EIF4E3: variants seen among roughly 807,000 people sequenced by gnomAD.
EIF4E3 encodes eukaryotic translation initiation factor 4E type 3.
In EIF4E3, 26 loss-of-function variants were observed where a neutral mutation model predicts 31.7. The ratio of observed to expected loss-of-function variants is 0.82; its 90% CI spans 0.60 to 1.14. The LOEUF is 1.14. Among genes scored for constraint, EIF4E3 ranks in the 50% most tolerant of loss-of-function variants. EIF4E3 has a pLI of 0.00. For missense variants in EIF4E3, 304 were observed against 270.9 expected, an observed-to-expected ratio of 1.12 and a Z score of -0.86; for synonymous variants, 128 against 107.7, an observed-to-expected ratio of 1.19 and a Z score of -1.17.
At chr3:71,689,221 C>T (rs1458418026) in intron 6 of EIF4E3, among the ~76,000 whole-genome samples, 7 of 151,950 alleles carry the variant, frequency 4.6e-5, no homozygotes, top group African/African-American at 1.4e-4. Context: ...CAATGAAATA[C>T]GGTAGTTAAA....
chr3:71,714,305 C>CGAACGAAG (rs1300162116), intron 1 of EIF4E3, among the ~76,000 whole-genome samples: 8,606 of 90,060 alleles, frequency 0.096, 353 homozygotes, highest in Non-Finnish European at 0.11. Flanking sequence ...AAGGAAGGAA[C>CGAACGAAG]GAAAGAAAGG....
intron 1 of EIF4E3, among the ~76,000 whole-genome samples, chr3:71,719,348 C>T (rs62246332): frequency 0.17 from 26,051 of 152,006 alleles, 2,382 homozygotes; most frequent in East Asian, 0.38. Context: ...ACAAATCTAC[C>T]TTTCACCACA....
At chr3:71,741,279 G>A (rs1035121856) in intron 1 of EIF4E3, among the ~76,000 whole-genome samples, 2 of 152,068 alleles carry the variant, frequency 1.3e-5, no homozygotes, top group African/African-American at 4.8e-5. Flanking sequence ...TTAGCTTGAT[G>A]TTATGAGCAT....
At chr3:71,740,608 C>A in intron 1 of EIF4E3, among the ~76,000 whole-genome samples, 1 of 152,114 alleles carries the variant, frequency 6.6e-6, no homozygotes, top group Non-Finnish European at 1.5e-5. Context: ...GTGGTGTGCA[C>A]CTGTAGTCCC....
At chr3:71,706,195 A>G (rs915191221) in intron 2 of EIF4E3, among the ~76,000 whole-genome samples, 1 of 152,130 alleles carries the variant, frequency 6.6e-6, no homozygotes, top group Admixed American at 6.5e-5. Flanking sequence ...CCACTCCTCA[A>G]TCACGGGGAG....
At chr3:71,672,527 C>G (rs1181765723), downstream of EIF4E3, among the ~76,000 whole-genome samples, 1 of 152,196 alleles carries the variant, frequency 6.6e-6, no homozygotes, top group Non-Finnish European at 1.5e-5. Flanking sequence ...TTTTGTTACC[C>G]TAATCAGAGC....
intron 1 of EIF4E3, among the ~76,000 whole-genome samples, chr3:71,744,773 C>A (rs1308087431): frequency 6.6e-6 from 1 of 152,182 alleles, no homozygotes. Context: ...ACGTCCAAAG[C>A]AGCTTTCTCA....
chr3:71,693,926 C>G lies in EIF4E3; in HGVS notation c.421G>C (p.Glu141Gln). 1 of 1,583,616 alleles carries G rather than the reference C, an allele frequency of 6.3e-7. No homozygotes were observed. The highest frequency in any genetic ancestry group is 1.1e-5 in the South Asian group (1 of 86,988). ...PKDSTSTVWK[E>Q]LLLATIGEQF... Reference sequence around the variant, plus strand: ...TCCCCGATGGTTGCTAACAGCAACTCTTTCCAAACTGTGGACTGATATGGG... The same window carrying G: ...TCCCCGATGGTTGCTAACAGCAACTGTTTCCAAACTGTGGACTGATATGGG... The change falls in exon 5 of 7, where the codon GAG becomes CAG. Residue 141 changes from glutamate to glutamine, a missense_variant. Coordinates refer to ENST00000425534, the MANE Select transcript of EIF4E3 (RefSeq NM_001134651.2).
At chr3:71,718,629 G>C (rs1480494799) in intron 1 of EIF4E3, among the ~76,000 whole-genome samples, 2 of 152,218 alleles carry the variant, frequency 1.3e-5, no homozygotes, top group African/African-American at 2.4e-5. Context: ...TGTGCCCCGG[G>C]TTTGGAAGTA....
chr3:71,730,745 T>C (rs972743493), intron 1 of EIF4E3, among the ~76,000 whole-genome samples: 3 of 152,160 alleles, frequency 2.0e-5, no homozygotes, highest in East Asian at 1.9e-4. Context: ...TTGTTGTTTT[T>C]TTTGAGACAG....
chr3:71,660,639 G>A, the EIF4E3 span, among the ~76,000 whole-genome samples: 6 of 152,172 alleles, frequency 3.9e-5, no homozygotes, highest in East Asian at 1.2e-3. Context: ...TACAAACACA[G>A]GTTCTATCAG....
chr3:71,660,489 C>T, the EIF4E3 span, among the ~76,000 whole-genome samples: 1 of 152,146 alleles, frequency 6.6e-6, no homozygotes, highest in South Asian at 2.1e-4. Context: ...CCCACCAAAC[C>T]CGGGCCCTCT....
intron 1 of EIF4E3, 28 bp from the exon 2 acceptor site, chr3:71,710,512 A>G (rs1231228640): frequency 1.3e-6 from 2 of 1,550,678 alleles, no homozygotes; most frequent in Admixed American, 2.0e-5. Flanking sequence ...GGACAAAGAC[A>G]CAAACAAAAC....
downstream of EIF4E3, among the ~76,000 whole-genome samples, chr3:71,673,013 G>C (rs947793731): frequency 6.6e-6 from 1 of 152,192 alleles, no homozygotes; most frequent in Admixed American, 6.5e-5. Flanking sequence ...GCTGAACCCG[G>C]TGTCAGCACG....
chr3:71,737,979 T>G (rs1559612921), intron 1 of EIF4E3, among the ~76,000 whole-genome samples: 2 of 152,152 alleles, frequency 1.3e-5, no homozygotes, highest in Non-Finnish European at 2.9e-5. Flanking sequence ...GCTTTCTCAA[T>G]TCCTCCCACG....
intron 2 of EIF4E3, among the ~76,000 whole-genome samples, chr3:71,709,356 T>C (rs1451526538): frequency 2.0e-5 from 3 of 152,046 alleles, no homozygotes; most frequent in South Asian, 2.1e-4. Flanking sequence ...TTGAAGAAAA[T>C]AGAAATGGGA....
At chr3:71,693,152 AC>A (rs1394960753) in intron 5 of EIF4E3, among the ~76,000 whole-genome samples, 18 of 152,192 alleles carry the variant, frequency 1.2e-4, no homozygotes, top group Admixed American at 1.2e-3. Flanking sequence ...AGAAGGAACT[AC>A]CCCAAAAGAA....
intron 2 of EIF4E3, among the ~76,000 whole-genome samples, chr3:71,701,065 G>C (rs571401128): frequency 1.5e-4 from 23 of 152,126 alleles, no homozygotes; most frequent in Non-Finnish European, 3.1e-4. Context: ...GCCCATGCTC[G>C]CACCCTCATC....
chr3:71,753,539 C>G (rs1050802681), exon 1 of EIF4E3: 1 of 151,118 alleles, frequency 6.6e-6, no homozygotes, highest in Non-Finnish European at 1.5e-5. Context: ...GACCCCGCGG[C>G]TGCTGCGGAG....
Sources: allele counts gnomAD v4.1 joint callset (sites outside exome capture counted in the v4.1 genomes callset), GRCh38; gene constraint gnomAD v4.1.1; transcripts MANE v1.5; gene names NCBI Gene and HGNC (gene_info 2026-07-23, HGNC 2026-07-21).